MLLT3: variants seen among roughly 807,000 people sequenced by gnomAD.
The protein encoded by MLLT3 is MLLT3 super elongation complex subunit.
MLLT3 carries 4 observed loss-of-function variants against 53.2 expected under a neutral mutation model. The observed-to-expected ratio is 0.08, with a 90% CI of 0.04 to 0.17. The LOEUF is 0.17. MLLT3 is among the 10% of genes least tolerant of loss of function. The probability of loss-of-function intolerance (pLI) is 1.00; values close to 1 mark genes in which losing one functional copy is unlikely to be tolerated. For synonymous variants in MLLT3, 283 were observed against 230.6 expected (o/e 1.23, Z -2.06); for missense variants, 569 against 684.0 (o/e 0.83, Z 1.87).
chr9:20,498,082 G>T (rs1041540067), intron 2 of MLLT3, among the ~76,000 whole-genome samples: 1 of 151,366 alleles, frequency 6.6e-6, no homozygotes, highest in Non-Finnish European at 1.5e-5. Context: ...AATTAGCTGG[G>T]CGTGGTGGCA....
chr9:20,424,756 C>T (rs1275180494), intron 4 of MLLT3, among the ~76,000 whole-genome samples: 1 of 152,160 alleles, frequency 6.6e-6, no homozygotes, highest in Non-Finnish European at 1.5e-5. Context: ...AACTAATCTA[C>T]TCAGCTCCAC....
chr9:20,493,484 T>C (rs1051553310), intron 2 of MLLT3, among the ~76,000 whole-genome samples: 4 of 152,002 alleles, frequency 2.6e-5, no homozygotes, highest in Non-Finnish European at 5.9e-5. Context: ...TAAGGAAAGG[T>C]TTCCTATAAG....
At chr9:20,492,668 T>C (rs1297930571) in intron 2 of MLLT3, among the ~76,000 whole-genome samples, 1 of 151,920 alleles carries the variant, frequency 6.6e-6, no homozygotes, top group Non-Finnish European at 1.5e-5. Context: ...AAATAGTTAC[T>C]CAAGAGAAAT....
At chr9:20,532,395 A>G (rs1234544268) in intron 2 of MLLT3, among the ~76,000 whole-genome samples, 1 of 152,236 alleles carries the variant, frequency 6.6e-6, no homozygotes, top group South Asian at 2.1e-4. Flanking sequence ...AAAAGACACC[A>G]AAATGTAATA....
At chr9:20,545,660 T>C (rs779680633) in intron 2 of MLLT3, among the ~76,000 whole-genome samples, 1 of 152,136 alleles carries the variant, frequency 6.6e-6, no homozygotes, top group African/African-American at 2.4e-5. Context: ...TAGTCATACA[T>C]CTTTAACCGT....
intron 2 of MLLT3, among the ~76,000 whole-genome samples, chr9:20,530,567 C>T (rs1025514927): frequency 1.3e-5 from 2 of 152,168 alleles, no homozygotes; most frequent in Non-Finnish European, 2.9e-5. Context: ...TTTCAGAAAT[C>T]CGTACCTATA....
At chr9:20,413,466 A>C (rs1396530262) in intron 5 of MLLT3, among the ~76,000 whole-genome samples, 2 of 152,220 alleles carry the variant, frequency 1.3e-5, no homozygotes, top group African/African-American at 4.8e-5. Context: ...CTGCTATTCA[A>C]ATGACCCATT....
intron 4 of MLLT3, among the ~76,000 whole-genome samples, chr9:20,445,027 G>T (rs992578161): frequency 1.3e-5 from 2 of 151,578 alleles, no homozygotes; most frequent in African/African-American, 4.9e-5. Flanking sequence ...GCAAGTCAAG[G>T]CTGCAGTGTA....
In MLLT3 at chr9:20,344,404, A is replaced by T. The variant is rs1820813700; in HGVS notation, c.*2039T>A. 4.7e-6 allele frequency: 1 copy of T among 211,262 alleles called. No individual in the cohort carries two copies. The highest frequency in any genetic ancestry group is 1.9e-4 in the South Asian group (1 of 5,372). 13.1% of individuals were successfully genotyped at this position (211,262 alleles called of 1,614,324 possible). On this transcript the variant is annotated 3_prime_UTR_variant, in exon 11 of 11. Transcript: ENST00000380338. The stretch of plus-strand genomic sequence containing the variant: ...ATTTTAAAATATTTTAAAAATTTGC[A>T]ACATTTCCATATAAACATTACCCTC...
chr9:20,544,281 T>C (rs1053360349), intron 2 of MLLT3, among the ~76,000 whole-genome samples: 1 of 152,064 alleles, frequency 6.6e-6, no homozygotes, highest in South Asian at 2.1e-4. Flanking sequence ...AGCAAAAGTA[T>C]AGGCAACGAA....
intron 2 of MLLT3, among the ~76,000 whole-genome samples, chr9:20,585,700 A>C (rs1194203790): frequency 3.3e-5 from 5 of 151,954 alleles, no homozygotes; most frequent in African/African-American, 9.7e-5. Context: ...CCATCTGTAC[A>C]TTTTCTTTGG....
intron 2 of MLLT3, among the ~76,000 whole-genome samples, chr9:20,477,322 G>A (rs1182858393): frequency 1.3e-5 from 2 of 152,122 alleles, no homozygotes; most frequent in Non-Finnish European, 2.9e-5. Context: ...TCTACAAGTT[G>A]CTTATGCCCT....
rs1820818002 is a variant in MLLT3, at chr9:20,344,551, C to T, written c.*1892G>A. Reference sequence around the variant, plus strand: ...CAAGAAGTGGACAATACAACAAATGCTTCAAGTACGGTTCATGCCAATCGT... The same window carrying T: ...CAAGAAGTGGACAATACAACAAATGTTTCAAGTACGGTTCATGCCAATCGT... On this transcript the variant is annotated 3_prime_UTR_variant, in exon 11 of 11. Coordinates refer to ENST00000380338, the MANE Select transcript of MLLT3 (RefSeq NM_004529.4). The T allele has an allele frequency of 4.6e-6, 1 of 216,296 alleles. No individual in the cohort carries two copies. The highest frequency in any genetic ancestry group is 2.3e-5 in the African/African-American group (1 of 44,328). 13.4% of individuals were successfully genotyped at this position (216,296 alleles called of 1,614,324 possible). A position where few individuals can be genotyped will look rare whatever the true frequency, so the allele number is the denominator to read the frequency against.
intron 5 of MLLT3, among the ~76,000 whole-genome samples, chr9:20,401,664 A>G (rs1272021049): frequency 6.6e-6 from 1 of 152,164 alleles, no homozygotes; most frequent in African/African-American, 2.4e-5. Context: ...CCTACCAGTG[A>G]GTCAGCTTCT....
intron 2 of MLLT3, among the ~76,000 whole-genome samples, chr9:20,574,852 A>C (rs565036684): frequency 2.0e-5 from 3 of 152,330 alleles, no homozygotes; most frequent in African/African-American, 7.2e-5. Context: ...ACCACAGTAG[A>C]ACTTCATTCA....
chr9:20,353,904 G>C (rs1437508598), intron 9 of MLLT3, among the ~76,000 whole-genome samples: 1 of 152,116 alleles, frequency 6.6e-6, no homozygotes, highest in Non-Finnish European at 1.5e-5. Context: ...AAAAGGTAGG[G>C]AAATTAAATG....
intron 10 of MLLT3, among the ~76,000 whole-genome samples, chr9:20,351,984 C>A (rs1343591137): frequency 6.6e-6 from 1 of 152,192 alleles, no homozygotes; most frequent in African/African-American, 2.4e-5. Context: ...CCCTGGAGTG[C>A]CTTTATGCCA....
intron 2 of MLLT3, among the ~76,000 whole-genome samples, chr9:20,600,393 T>A (rs1820391442): frequency 6.6e-6 from 1 of 152,230 alleles, no homozygotes; most frequent in Non-Finnish European, 1.5e-5. Context: ...TGCTCAATGT[T>A]GGCTGAATAA....
intron 2 of MLLT3, among the ~76,000 whole-genome samples, chr9:20,553,957 G>A (rs1363753448): frequency 6.6e-6 from 1 of 151,972 alleles, no homozygotes; most frequent in Non-Finnish European, 1.5e-5. Context: ...AAATCTCTGA[G>A]TCAGGTATTT....
Sources: gnomAD v4.1 joint callset for allele counts (sites outside exome capture counted in the v4.1 genomes callset) on GRCh38, gnomAD v4.1.1 for gene constraint, MANE v1.5 for transcripts, NCBI Gene and HGNC (gene_info 2026-07-23, HGNC 2026-07-21) for gene names.